LHFPL1: variants seen among roughly 807,000 people sequenced by gnomAD.
The protein encoded by LHFPL1 is LHFPL tetraspan subfamily member 1.
LHFPL1 carries 4 observed loss-of-function variants against 12.1 expected under a neutral mutation model. The ratio of observed to expected loss-of-function variants is 0.33; its 90% confidence interval spans 0.16 to 0.76. LHFPL1 has a LOEUF of 0.76. Among genes scored for constraint, LHFPL1 ranks in the 30% least tolerant of loss-of-function variants. The probability of loss-of-function intolerance (pLI) is 0.61; values close to 1 mark genes in which losing one functional copy is unlikely to be tolerated. For missense variants in LHFPL1, 141 were observed against 174.1 expected (o/e 0.81, Z 1.07); for synonymous variants, 52 against 61.9 (o/e 0.84, Z 0.75).
chrX:112,652,383 G>A (rs149497180), intron 3 of LHFPL1, among the ~76,000 whole-genome samples: 1 of 112,059 alleles, frequency 8.9e-6, no homozygotes, highest in East Asian at 2.8e-4. Flanking sequence ...TTTACCTTGA[G>A]GAGGTTGGAT....
chrX:112,658,933 T>C (rs1404727080), intron 3 of LHFPL1, among the ~76,000 whole-genome samples: 1 of 112,083 alleles, frequency 8.9e-6, no homozygotes, highest in Non-Finnish European at 1.9e-5. Context: ...CATGGAATAT[T>C]ATTCAGACAT....
intron 3 of LHFPL1, among the ~76,000 whole-genome samples, chrX:112,643,378 CAAAAAAAAAA>C (rs1164744066): frequency 2.6e-5 from 1 of 38,941 alleles, no homozygotes; most frequent in South Asian, 1.8e-3. Context: ...GACTCCGTCT[CAAAAAAAAAA>C]AAAAAAAAAA....
intron 2 of LHFPL1, among the ~76,000 whole-genome samples, chrX:112,664,477 T>C (rs1229055071): frequency 2.7e-5 from 3 of 111,815 alleles, no homozygotes; most frequent in African/African-American, 9.8e-5. Flanking sequence ...TCTTGCAATT[T>C]TGCACAGGTA....
rs138438376 is a variant in LHFPL1, at chrX:112,671,360, G to A, written c.31C>T (p.Leu11Phe). 3.4e-5 allele frequency: 41 copies of A among 1,210,376 alleles called. No individual in the cohort carries two copies. The African/African-American group carries it at 5.1e-4, about 15-fold the overall frequency. MRSSLTMVGT[L>F]WAFLSLVTAV... ...GTAACAAGGGACAGGAAGGCCCAGA[G>A]GGTTCCCACCATGGTCAGGCTGCTC... The change falls in exon 2 of 4, where the codon CTC (leucine) becomes TTC (phenylalanine). Residue 11 changes from leucine to phenylalanine, a missense_variant. Leu to Phe is a conservative substitution (Grantham distance 22). Transcript: ENST00000371968.
intron 2 of LHFPL1, among the ~76,000 whole-genome samples, chrX:112,661,215 C>T (rs905098443): frequency 1.8e-5 from 2 of 111,294 alleles, no homozygotes; most frequent in South Asian, 3.8e-4. Context: ...ACTCCTCCCC[C>T]GATAAATCAT....
At chrX:112,641,502 C>T (rs1371109641) in intron 3 of LHFPL1, among the ~76,000 whole-genome samples, 7 of 111,653 alleles carry the variant, frequency 6.3e-5, no homozygotes, top group Non-Finnish European at 1.1e-4. Context: ...AAATCACGTC[C>T]TTTCACAAAA....
chrX:112,661,540 G>C (rs748190616), intron 2 of LHFPL1: 2 of 111,750 alleles, frequency 1.8e-5, no homozygotes, highest in Non-Finnish European at 3.8e-5. Flanking sequence ...ATTGGCATCT[G>C]ACAACTAAGA....
At chrX:112,635,554 G>T (rs1032494101) in intron 3 of LHFPL1, among the ~76,000 whole-genome samples, 2 of 112,507 alleles carry the variant, frequency 1.8e-5, no homozygotes, top group Non-Finnish European at 3.8e-5. Context: ...TCAGTGGAAG[G>T]ATTTACTGAA....
intron 3 of LHFPL1, among the ~76,000 whole-genome samples, chrX:112,644,136 C>T (rs780829968): frequency 8.9e-6 from 1 of 112,638 alleles, no homozygotes; most frequent in Non-Finnish European, 1.9e-5. Context: ...CCTGCCAGGG[C>T]ATTCTAGCTG....
intron 2 of LHFPL1, among the ~76,000 whole-genome samples, chrX:112,667,918 T>C (rs987513150): frequency 2.7e-5 from 3 of 109,736 alleles, no homozygotes; most frequent in East Asian, 2.9e-4. Flanking sequence ...CCACCACTCA[T>C]CTCTGTGGGC....
chrX:112,673,773 C>T (rs1931577315), intron 1 of LHFPL1, among the ~76,000 whole-genome samples: 2 of 111,964 alleles, frequency 1.8e-5, no homozygotes, highest in South Asian at 7.6e-4. Context: ...CTGAAGCCTT[C>T]CCCTACAGTA....
At chrX:112,670,722 T>C (rs925084683) in intron 2 of LHFPL1, among the ~76,000 whole-genome samples, 38 of 112,108 alleles carry the variant, frequency 3.4e-4, no homozygotes, top group Admixed American at 3.4e-3. Context: ...TATTAATAGA[T>C]AATGTTTTTA....
rs190738103 is a variant in LHFPL1 at position 112,654,061 on chromosome X, G to A, written c.481+6566C>T. Among the ~76,000 whole-genome samples the A allele has an allele frequency of 1.8e-3, 205 of 111,790 alleles. 2 individuals are homozygous for A. Among genetic ancestry groups the A allele is most frequent in the African/African-American group, 6.3e-3 (193 of 30,789 alleles). ...TAATTTAGTACAGTCTCTTTGGAGA[G>A]CATTTAATTCATCAATGACTTCTGA... On this transcript the variant is annotated intron_variant, in intron 3 of 3. Transcript: ENST00000371968.
At chrX:112,658,239 C>T (rs760609136) in intron 3 of LHFPL1, among the ~76,000 whole-genome samples, 27 of 109,732 alleles carry the variant, frequency 2.5e-4, no homozygotes, top group African/African-American at 8.9e-4. Context: ...GCCTGGCCAA[C>T]ATAGTGAAAC....
chrX:112,679,247 T>C (rs1450352825), intron 1 of LHFPL1, among the ~76,000 whole-genome samples: 1 of 111,996 alleles, frequency 8.9e-6, no homozygotes. Context: ...ATTTATAGTT[T>C]AAGTATTTCA....
At chrX:112,654,702 C>A (rs755096519) in intron 3 of LHFPL1, among the ~76,000 whole-genome samples, 3 of 110,035 alleles carry the variant, frequency 2.7e-5, no homozygotes, top group African/African-American at 9.9e-5. Context: ...AAGTTTTAAA[C>A]CTTTATATAT....
Position 112,630,937 on chromosome X carries a change from G to C in LHFPL1, c.*483C>G, listed in dbSNP as rs41300902. The C allele has an allele frequency of 3.6e-5, 4 of 111,485 alleles. No homozygotes were observed. The highest frequency in any genetic ancestry group is 9.8e-5 in the African/African-American group (3 of 30,522). The allele number at this position is 111,485 out of a possible 1,213,427, so 9.2% of individuals were successfully genotyped here. ...CCCCTGAAGCTTCCCCACAAGGTGCGGGGGGAAGCAGGAGAAAAAAAGGAA... is the reference window on the plus strand; with the variant it reads ...CCCCTGAAGCTTCCCCACAAGGTGCCGGGGGAAGCAGGAGAAAAAAAGGAA... On this transcript the variant is annotated 3_prime_UTR_variant, in exon 4 of 4. Transcript: ENST00000371968.
At chrX:112,667,645 T>C (rs1035397517) in intron 2 of LHFPL1, among the ~76,000 whole-genome samples, 1 of 112,392 alleles carries the variant, frequency 8.9e-6, no homozygotes, top group African/African-American at 3.2e-5. Flanking sequence ...GGAATGTGAA[T>C]AGTGGCTATG....
chrX:112,644,505 G>GCT (rs1186883593), intron 3 of LHFPL1, among the ~76,000 whole-genome samples: 1 of 110,133 alleles, frequency 9.1e-6, no homozygotes, highest in Non-Finnish European at 1.9e-5. Context: ...CCTGATATCT[G>GCT]CTCTTCTGTT....
Sources: allele counts gnomAD v4.1 joint callset (sites outside exome capture counted in the v4.1 genomes callset), GRCh38; gene constraint gnomAD v4.1.1; transcripts MANE v1.5; gene names NCBI Gene and HGNC (gene_info 2026-07-23, HGNC 2026-07-21).